The following IGSF11 variants were observed in gnomAD, a reference collection of about 807,000 sequenced individuals.
The protein encoded by IGSF11 is immunoglobulin superfamily member 11.
IGSF11 carries 22 observed loss-of-function variants against 41.0 expected under a neutral mutation model. The ratio of observed to expected loss-of-function variants is 0.54; its 90% CI spans 0.38 to 0.77. IGSF11 has a LOEUF of 0.77. Ranked by LOEUF, IGSF11 falls within the 30% of genes least tolerant of loss-of-function variation. The pLI, the probability that IGSF11 is intolerant of heterozygous loss-of-function variation, is 0.00. For synonymous variants in IGSF11, 219 were observed against 201.3 expected (o/e 1.09, Z -0.74); for missense variants, 444 against 530.8 (o/e 0.84, Z 1.61).
At chr3:119,056,156 C>A (rs190415929) in intron 1 of IGSF11, among the ~76,000 whole-genome samples, 2,252 of 151,748 alleles carry the variant, frequency 0.015, 67 homozygotes, top group African/African-American at 0.052. Context: ...ACAAAAAAAA[C>A]CCTTCAAAAA....
intron 1 of IGSF11, among the ~76,000 whole-genome samples, chr3:119,002,002 G>C (rs1936943206): frequency 7.7e-6 from 1 of 129,416 alleles, no homozygotes; most frequent in Admixed American, 7.9e-5. Flanking sequence ...TGGGATGGCT[G>C]GGTCAAATGG....
chr3:118,951,978 A>C (rs1944604867), intron 1 of IGSF11, among the ~76,000 whole-genome samples: 1 of 152,122 alleles, frequency 6.6e-6, no homozygotes, highest in Non-Finnish European at 1.5e-5. Flanking sequence ...TACCTCAGAG[A>C]TATTAGAGAT....
intron 1 of IGSF11, among the ~76,000 whole-genome samples, chr3:118,963,721 GA>G (rs1375017891): frequency 6.6e-6 from 1 of 152,120 alleles, no homozygotes; most frequent in African/African-American, 2.4e-5. Flanking sequence ...GTTGGGAAAA[GA>G]ATTATATTTC....
At chr3:119,018,214 G>A (rs901397400) in intron 1 of IGSF11, among the ~76,000 whole-genome samples, 2 of 152,244 alleles carry the variant, frequency 1.3e-5, no homozygotes, top group Non-Finnish European at 2.9e-5. Flanking sequence ...CAGCAAGGCA[G>A]AGATAGAGGT....
At chr3:119,068,137 G>A (rs1942289084) in intron 1 of IGSF11, among the ~76,000 whole-genome samples, 1 of 152,206 alleles carries the variant, frequency 6.6e-6, no homozygotes, top group African/African-American at 2.4e-5. Context: ...CACCTATCAT[G>A]CCTATCATGT....
chr3:118,917,329 T>A (rs556430823), intron 4 of IGSF11, among the ~76,000 whole-genome samples: 2 of 150,450 alleles, frequency 1.3e-5, no homozygotes, highest in Non-Finnish European at 2.9e-5. Flanking sequence ...GCTGGTTTTC[T>A]GAAAGGATCA....
chr3:119,093,645 G>GC (rs1425813138), intron 1 of IGSF11, among the ~76,000 whole-genome samples: 2 of 152,086 alleles, frequency 1.3e-5, no homozygotes, highest in African/African-American at 4.8e-5. Flanking sequence ...TTTTCATAAA[G>GC]CTTTGACAGT....
intron 1 of IGSF11, among the ~76,000 whole-genome samples, chr3:118,986,432 C>T (rs1935264557): frequency 6.6e-6 from 1 of 152,152 alleles, no homozygotes; most frequent in South Asian, 2.1e-4. Flanking sequence ...TCAATTTCTG[C>T]TTTATACTAT....
intron 1 of IGSF11, among the ~76,000 whole-genome samples, chr3:119,129,565 T>C (rs751539671): frequency 6.6e-6 from 1 of 152,204 alleles, no homozygotes; most frequent in Non-Finnish European, 1.5e-5. Flanking sequence ...GAGATTTTAT[T>C]AGTTTTTGTT....
chr3:119,004,530 T>G (rs1383141179), intron 1 of IGSF11, among the ~76,000 whole-genome samples: 2 of 140,262 alleles, frequency 1.4e-5, no homozygotes, highest in African/African-American at 2.9e-5. Context: ...ACTCTTGCTT[T>G]TCTAGTTCTT....
At chr3:119,136,818 A>AT (rs1343909517) in intron 1 of IGSF11, among the ~76,000 whole-genome samples, 1 of 152,120 alleles carries the variant, frequency 6.6e-6, no homozygotes, top group Admixed American at 6.5e-5. Flanking sequence ...ATAATCTTGT[A>AT]TTTGGAAAAA....
intron 1 of IGSF11, among the ~76,000 whole-genome samples, chr3:118,969,997 T>A (rs893491071): frequency 2.0e-5 from 3 of 151,996 alleles, no homozygotes; most frequent in African/African-American, 7.3e-5. Flanking sequence ...TATCTCCTCA[T>A]CACCCCCTAA....
At chr3:118,965,113 A>C (rs1230851571) in intron 1 of IGSF11, among the ~76,000 whole-genome samples, 2 of 152,190 alleles carry the variant, frequency 1.3e-5, no homozygotes, top group Non-Finnish European at 2.9e-5. Context: ...TCATTTAAAA[A>C]TCTGATAAAA....
chr3:119,012,580 C>T (rs999565628), intron 1 of IGSF11, among the ~76,000 whole-genome samples: 4 of 152,136 alleles, frequency 2.6e-5, no homozygotes, highest in African/African-American at 9.7e-5. Context: ...CAATACAACA[C>T]CAGTAACCTC....
intron 1 of IGSF11, among the ~76,000 whole-genome samples, chr3:118,963,303 A>G (rs1350648994): frequency 1.3e-5 from 2 of 152,180 alleles, no homozygotes; most frequent in African/African-American, 4.8e-5. Context: ...GGTCCATTCT[A>G]CCTCTGATAT....
chr3:118,940,243 CTG>C (rs1409580553), intron 1 of IGSF11, among the ~76,000 whole-genome samples: 4 of 152,058 alleles, frequency 2.6e-5, no homozygotes, highest in African/African-American at 7.2e-5. Flanking sequence ...CAAAGTAAAA[CTG>C]TATTTATTTG....
At chr3:118,958,675 T>C (rs913338546) in intron 1 of IGSF11, among the ~76,000 whole-genome samples, 1 of 152,242 alleles carries the variant, frequency 6.6e-6, no homozygotes, top group African/African-American at 2.4e-5. Context: ...TGAAGAATGC[T>C]AGATTTACTT....
Position 118,930,250 on chromosome 3 carries a change from T to C in IGSF11, c.78A>G (p.Ser26=). The C allele has an allele frequency of 6.2e-7, 1 of 1,613,494 alleles. No individual in the cohort carries two copies. The change falls in exon 2 of 7, where the codon TCA becomes TCG. Residue 26 remains serine (S), a synonymous_variant. Transcript: ENST00000393775. The part of the protein sequence containing the change: ...LHGVAASLEV[S]ESPGSIQVAR... ...CCACCTGGATACTCCCAGGGCTCTCTGACACTTCCAGGGATGCTGCAACAC... is the reference window on the plus strand; with the variant it reads ...CCACCTGGATACTCCCAGGGCTCTCCGACACTTCCAGGGATGCTGCAACAC...
chr3:118,904,133 C>G (rs1939284672), intron 6 of IGSF11, among the ~76,000 whole-genome samples: 1 of 152,190 alleles, frequency 6.6e-6, no homozygotes, highest in Admixed American at 6.5e-5. Flanking sequence ...AGCCCGAACC[C>G]TCAAATCTCC....
Sources: allele counts gnomAD v4.1 joint callset (sites outside exome capture counted in the v4.1 genomes callset), GRCh38; gene constraint gnomAD v4.1.1; transcripts MANE v1.5; gene names NCBI Gene and HGNC (gene_info 2026-07-23, HGNC 2026-07-21).